Variants in SMIM27 observed in about 807,000 individuals in gnomAD.
SMIM27 encodes transition zone microprotein 1, also known as TOPORS antisense RNA 1 (non-protein coding).
A neutral mutation model predicts 1.8 loss-of-function variants in SMIM27; 3 were observed. That is an observed-to-expected ratio of 1.65 (90% CI 0.75 to 4.28). The LOEUF is 4.28. Among genes scored for constraint, SMIM27 ranks in the 30% most tolerant of loss-of-function variants. SMIM27 has a pLI of 0.02. For missense variants in SMIM27, 63 were observed against 37.0 expected (o/e 1.70, Z -1.83); for synonymous variants, 19 against 13.9 (o/e 1.37, Z -0.82).
intron 1 of SMIM27, among the ~76,000 whole-genome samples, chr9:32,562,601 A>AT (rs1357286673): frequency 3.9e-5 from 6 of 152,278 alleles, no homozygotes; most frequent in South Asian, 2.1e-4. Flanking sequence ...AATGAAAATA[A>AT]TTTTTTCCTT....
At chr9:32,565,121 C>G (rs538284958) in intron 1 of SMIM27, among the ~76,000 whole-genome samples, 1 of 152,100 alleles carries the variant, frequency 6.6e-6, no homozygotes, top group East Asian at 1.9e-4. Context: ...GGCAAAACCT[C>G]ATCTCTGCTA....
At chr9:32,566,535 TCTGTTGTATAG>T in exon 2 of SMIM27, 1 of 771,760 alleles carries the variant, frequency 1.3e-6, no homozygotes, top group Non-Finnish European at 2.4e-6. Flanking sequence ...CCTTGGCTCC[TCTGTTGTATAG>T]CTGCCGTCGT....
chr9:32,557,437 G>A (rs1468914126), downstream of SMIM27, among the ~76,000 whole-genome samples: 1 of 151,432 alleles, frequency 6.6e-6, no homozygotes, highest in Admixed American at 6.6e-5. Flanking sequence ...CCATAGTGCT[G>A]TAATTACAGG....
rs116268019 is a variant in SMIM27 at position 32,552,911 on chromosome 9, T to A, written c.156T>A (p.Asn52Lys). 1.4e-3 allele frequency: 986 copies of A among 702,140 alleles called. 11 individuals carry two copies. In the African/African-American group the frequency reaches 0.016, roughly 11 times the overall value. 43.5% of individuals were successfully genotyped at this position (702,140 alleles called of 1,614,324 possible). A position where few individuals can be genotyped will look rare whatever the true frequency, so the allele number is the denominator to read the frequency against. Reference sequence around the variant, plus strand: ...ACCCAGACAAAATCTTTGGGACGAATGAAAATTTGTAACTCTTCTGGATTT... The same window carrying A: ...ACCCAGACAAAATCTTTGGGACGAAAGAAAATTTGTAACTCTTCTGGATTT... ...KKYPDKIFGT[N>K]ENL is the part of the protein sequence containing the mutation. Residue 52 changes from asparagine (N) to lysine (K), a missense_variant, in exon 2 of 2, where the codon AAT becomes AAA. Asn to Lys is a moderately conservative substitution (Grantham distance 94). Transcript: ENST00000692500.
chr9:32,551,735 C>A, upstream of SMIM27: 1 of 427,934 alleles, frequency 2.3e-6, no homozygotes, highest in Non-Finnish European at 4.8e-6. Flanking sequence ...GGCTTAGTAT[C>A]TCACGCGCGG....
chr9:32,555,825 C>T (rs927009641), downstream of SMIM27, among the ~76,000 whole-genome samples: 4 of 152,140 alleles, frequency 2.6e-5, no homozygotes, highest in East Asian at 5.8e-4. Flanking sequence ...CCAGGAAGAA[C>T]GATGGATAAA....
intron 1 of SMIM27, among the ~76,000 whole-genome samples, chr9:32,561,062 GC>G (rs1382104508): frequency 6.6e-6 from 1 of 152,130 alleles, no homozygotes; most frequent in Non-Finnish European, 1.5e-5. Context: ...AAATGAAGTA[GC>G]CTTTTTATGA....
chr9:32,566,222 T>C (rs1821784669), intron 1 of SMIM27: 2 of 857,732 alleles, frequency 2.3e-6, no homozygotes, highest in East Asian at 4.8e-5. Flanking sequence ...AGGTCATAGC[T>C]GGTTTTGTGG....
chr9:32,558,768 T>A, intron 1 of SMIM27: 1 of 514,714 alleles, frequency 1.9e-6, no homozygotes. Flanking sequence ...TTTGTTTTGT[T>A]TTTTACAAGA....
At position 32,552,396 on chromosome 9, in the gene SMIM27, C is replaced by T. The variant is rs760361122; in HGVS notation, c.-39C>T. The T allele has an allele frequency of 6.9e-6, 11 of 1,604,984 alleles. No individual in the cohort carries two copies. In the South Asian group the frequency reaches 1.1e-4, roughly 16 times the overall value. ...TGGGAGGTTACTGTAAGGCCCGCAG[C>T]TCCCGCCAGCTCCCGCGGACTGCTG... On this transcript the variant is annotated 5_prime_UTR_variant, in exon 1 of 2. Transcript: ENST00000692500.
At chr9:32,552,755 G>A (rs899039869) in intron 1 of SMIM27, 46 bp from the exon 2 acceptor site, 3 of 688,210 alleles carry the variant, frequency 4.4e-6, no homozygotes, top group East Asian at 2.7e-5. Context: ...GGGGCGAGGG[G>A]AAATATCAGG....
chr9:32,553,025 A>G, downstream of SMIM27: 1 of 584,730 alleles, frequency 1.7e-6, no homozygotes, highest in Non-Finnish European at 3.0e-6. Flanking sequence ...TTATTTTTGC[A>G]TTATCCTTTA....
At chr9:32,552,696 AC>A (rs1821325140) in intron 1 of SMIM27, 104 bp from the exon 2 acceptor site, 2 of 655,310 alleles carry the variant, frequency 3.1e-6, no homozygotes, top group African/African-American at 3.6e-5. Flanking sequence ...CATTTATTCG[AC>A]TTTGTTACTT....
In SMIM27 at chr9:32,552,432, A is replaced by G. The variant is rs969010725; in HGVS notation, c.-3A>G. On this transcript the variant is annotated 5_prime_UTR_variant, in exon 1 of 2. Transcript: ENST00000692500. ...TCCCGCGGACTGCTGCCGCCTCCTTACCATGAAGCCAGTAAGTCGTCGCAC... is the reference window on the plus strand; with the variant it reads ...TCCCGCGGACTGCTGCCGCCTCCTTGCCATGAAGCCAGTAAGTCGTCGCAC... The G allele has an allele frequency of 1.2e-6, 2 of 1,609,178 alleles. No individual in the cohort carries two copies. The highest frequency in any genetic ancestry group is 1.7e-6 in the Non-Finnish European group (2 of 1,178,280).
In SMIM27 at chr9:32,563,504, T is replaced by TTTTTTTTTTTTTG. The variant is rs74178817; in HGVS notation, c.46-2887_46-2886insTTTTTTTTTTTTG. 5.4e-5 allele frequency among the ~76,000 whole-genome samples: 8 copies of TTTTTTTTTTTTTG among 148,870 alleles called. No homozygotes were observed. In the East Asian group the frequency reaches 1.4e-3, roughly 26 times the overall value. ...GGGACTATTGGGCTTTTTTTTTTTTTGGAGGGATGGGGTCTCATTATGTTG... is the reference window on the plus strand; with the variant it reads ...GGGACTATTGGGCTTTTTTTTTTTTTTTTTTTTTTTTTGGGAGGGATGGGGTCTCATTATGTTG... On this transcript the variant is annotated intron_variant, in intron 1 of 1. Coordinates refer to the SMIM27 transcript ENST00000451672.
downstream of SMIM27, among the ~76,000 whole-genome samples, chr9:32,557,603 C>T (rs1821502887): frequency 1.3e-5 from 2 of 151,868 alleles, no homozygotes; most frequent in Non-Finnish European, 2.9e-5. Context: ...CCTCAGCATC[C>T]TCAGTAGCTG....
At position 32,552,358 on chromosome 9, in the gene SMIM27, G is replaced by A. The variant is rs752272205; in HGVS notation, c.-77G>A. On this transcript the variant is annotated 5_prime_UTR_variant, in exon 1 of 2. The change creates a premature stop within an existing upstream ORF in the 5' untranslated region. Coordinates refer to ENST00000692500, the MANE Select transcript of SMIM27 (RefSeq NM_001387564.1). ...GGCTAAAAGATGGCTGCTGGCGCCT[G>A]GCAGCCACCGCCTGGGAGGTTACTG... is the stretch of plus-strand genomic sequence containing the variant. The A allele has an allele frequency of 3.2e-6, 5 of 1,577,192 alleles. No homozygotes were observed. The African/African-American group carries it at 5.4e-5, about 17-fold the overall frequency.
At chr9:32,564,510 C>G (rs891014697) in intron 1 of SMIM27, among the ~76,000 whole-genome samples, 1 of 95,062 alleles carries the variant, frequency 1.1e-5, no homozygotes, top group African/African-American at 4.4e-5. Flanking sequence ...AAATATTACA[C>G]TTTTTTAAAA....
intron 1 of SMIM27, among the ~76,000 whole-genome samples, chr9:32,563,853 C>T (rs2119019803): frequency 6.6e-6 from 1 of 152,260 alleles, no homozygotes; most frequent in East Asian, 1.9e-4. Flanking sequence ...TTCAAACTGC[C>T]CAGGCAGGAG....
Sources: allele counts gnomAD v4.1 joint callset (sites outside exome capture counted in the v4.1 genomes callset), GRCh38; gene constraint gnomAD v4.1.1; transcripts MANE v1.5; gene names NCBI Gene and HGNC (gene_info 2026-07-23, HGNC 2026-07-21).